CRADD: variants seen among roughly 807,000 people sequenced by gnomAD.
CRADD encodes the protein death domain-containing protein CRADD.
CRADD carries 9 observed loss-of-function variants against 15.5 expected under a neutral mutation model. The observed-to-expected ratio is 0.58, with a 90% CI of 0.35 to 1.01. CRADD has a LOEUF of 1.01. Among genes scored for constraint, CRADD ranks in the 50% least tolerant of loss-of-function variants. The pLI, the probability that CRADD is intolerant of heterozygous loss-of-function variation, is 0.02. For missense variants in CRADD, 227 were observed against 250.3 expected, an observed-to-expected ratio of 0.91 and a Z score of 0.63; for synonymous variants, 118 against 107.6, an observed-to-expected ratio of 1.10 and a Z score of -0.60.
intron 2 of CRADD, among the ~76,000 whole-genome samples, chr12:93,696,852 A>G (rs1043328672): frequency 6.6e-6 from 1 of 152,252 alleles, no homozygotes; most frequent in Non-Finnish European, 1.5e-5. Flanking sequence ...ATTAGGTATT[A>G]TAAGTAATCT....
At chr12:93,855,152 G>A (rs974964232), downstream of CRADD, among the ~76,000 whole-genome samples, 2 of 151,998 alleles carry the variant, frequency 1.3e-5, no homozygotes, top group African/African-American at 4.8e-5. Flanking sequence ...CCAAGATCGC[G>A]CCACTTCACT....
intron 2 of CRADD, among the ~76,000 whole-genome samples, chr12:93,743,090 T>A (rs1394421774): frequency 1.3e-5 from 2 of 152,240 alleles, no homozygotes; most frequent in Non-Finnish European, 2.9e-5. Context: ...TTGTCCTGCA[T>A]ACCTAATATT....
intron 2 of CRADD, among the ~76,000 whole-genome samples, chr12:93,697,346 A>C (rs1318499279): frequency 6.6e-6 from 1 of 152,216 alleles, no homozygotes. Flanking sequence ...GGGAGGACAC[A>C]GTGTTAACCT....
chr12:93,700,173 A>T (rs1329661080), intron 2 of CRADD, among the ~76,000 whole-genome samples: 1 of 152,110 alleles, frequency 6.6e-6, no homozygotes, highest in African/African-American at 2.4e-5. Flanking sequence ...TTTCTCACTA[A>T]ATCTAGGTCC....
chr12:93,711,602 G>A (rs980014123), intron 2 of CRADD, among the ~76,000 whole-genome samples: 2 of 151,916 alleles, frequency 1.3e-5, no homozygotes, highest in Admixed American at 1.3e-4. Flanking sequence ...GAGCCCTTGA[G>A]GTTCATTCTG....
rs757453858 is a variant in CRADD at position 93,678,995 on chromosome 12, A to C, written c.221A>C (p.Asp74Ala). 3.1e-6 allele frequency: 5 copies of C among 1,614,002 alleles called. No individual in the cohort carries two copies. The highest frequency in any genetic ancestry group is 4.2e-6 in the Non-Finnish European group (5 of 1,179,972). Residue 74 changes from aspartate to alanine, a missense_variant, in exon 2 of 3, where the codon GAT becomes GCT. Transcript: ENST00000332896. The stretch of plus-strand genomic sequence containing the variant: ...CCTAAAGCATTTGATACATTCCTAG[A>C]TTCCCTACAGGAGTTTCCCTGGGTC... ...RGPKAFDTFL[D>A]SLQEFPWVRE... is the part of the protein sequence containing the mutation.
chr12:93,782,427 G>A (rs574010629), intron 2 of CRADD, among the ~76,000 whole-genome samples: 57 of 151,950 alleles, frequency 3.8e-4, no homozygotes, highest in African/African-American at 1.4e-3. Flanking sequence ...CACCAACATG[G>A]CACATGTAAA....
Position 93,712,043 on chromosome 12 carries a change from A to T in CRADD, c.298+32971A>T, listed in dbSNP as rs1956083294. ...AGTGCTGGGATTACAGGCATGAGCC[A>T]CCACACCTGGTCTCCTAGACTCTTA... On this transcript the variant is annotated intron_variant, in intron 2 of 2. Transcript: ENST00000332896. 2.6e-5 allele frequency among the ~76,000 whole-genome samples: 4 copies of T among 152,284 alleles called. No individual in the cohort carries two copies. In the South Asian group the frequency reaches 6.2e-4, roughly 24 times the overall value.
At chr12:93,682,398 G>T (rs1488842553) in intron 2 of CRADD, among the ~76,000 whole-genome samples, 1 of 152,154 alleles carries the variant, frequency 6.6e-6, no homozygotes, top group African/African-American at 2.4e-5. Flanking sequence ...TAATTTGTAT[G>T]GATTCAGTAG....
rs148276133 is a variant in CRADD at position 93,748,541 on chromosome 12, G to A, written c.298+69469G>A. On this transcript the variant is annotated intron_variant, in intron 2 of 2. Transcript: ENST00000332896. ...AGGCTGGTCTCGAACTCCCAACCTC[G>A]GATGATCCTCCCGCCTCGGCCTCCC... Among the ~76,000 whole-genome samples the A allele has an allele frequency of 2.4e-3, 363 of 152,252 alleles. 1 individual carries two copies. The highest frequency in any genetic ancestry group is 8.1e-3 in the African/African-American group (338 of 41,532).
chr12:93,764,978 T>C (rs1957011589), intron 2 of CRADD, among the ~76,000 whole-genome samples: 2 of 152,012 alleles, frequency 1.3e-5, no homozygotes, highest in Admixed American at 6.5e-5. Flanking sequence ...CTCGAGATAA[T>C]TAAATTTCTC....
intron 2 of CRADD, among the ~76,000 whole-genome samples, chr12:93,858,421 C>T (rs1424526887): frequency 6.6e-6 from 1 of 152,194 alleles, no homozygotes; most frequent in African/African-American, 2.4e-5. Flanking sequence ...TCCTACAACC[C>T]AAAAGGGCAG....
intron 2 of CRADD, among the ~76,000 whole-genome samples, chr12:93,880,657 C>T (rs1057328560): frequency 2.0e-5 from 3 of 151,422 alleles, no homozygotes; most frequent in African/African-American, 7.3e-5. Context: ...TACATCCCAA[C>T]CCCTACCATG....
intron 2 of CRADD, among the ~76,000 whole-genome samples, chr12:93,805,752 A>G (rs558270910): frequency 6.6e-6 from 1 of 152,302 alleles, no homozygotes; most frequent in African/African-American, 2.4e-5. Flanking sequence ...CTTAGTGCCC[A>G]GACCTTGTAC....
intron 2 of CRADD, among the ~76,000 whole-genome samples, chr12:93,700,319 T>C (rs1361015159): frequency 1.3e-5 from 2 of 152,204 alleles, no homozygotes; most frequent in Non-Finnish European, 2.9e-5. Context: ...CAGATTTGTC[T>C]TCCAAAGCTT....
At chr12:93,854,100 A>G (rs1958251161), downstream of CRADD, among the ~76,000 whole-genome samples, 1 of 152,188 alleles carries the variant, frequency 6.6e-6, no homozygotes, top group Non-Finnish European at 1.5e-5. Flanking sequence ...GTAATGGCTT[A>G]AAACAACAAA....
At chr12:93,687,111 G>A (rs564648194) in intron 2 of CRADD, among the ~76,000 whole-genome samples, 38 of 152,106 alleles carry the variant, frequency 2.5e-4, no homozygotes, top group Non-Finnish European at 4.4e-4. Flanking sequence ...AAGGAAAAGC[G>A]GAAGACTTTC....
rs903485197 is a variant in CRADD, at chr12:93,860,361, A to C, written c.299-33689A>C. On this transcript the variant is annotated intron_variant, in intron 2 of 2. Transcript: ENST00000548483. ...AATTTTCAATTTGGACCAATCATGG[A>C]ACCTTTTTCTGTAGCTTATAGAAAT... Among the ~76,000 whole-genome samples the C allele has an allele frequency of 2.0e-5, 3 of 152,290 alleles. No individual in the cohort carries two copies. The East Asian group carries it at 5.8e-4, about 29-fold the overall frequency.
intron 2 of CRADD, among the ~76,000 whole-genome samples, chr12:93,821,135 C>T (rs955697622): frequency 2.0e-5 from 3 of 152,198 alleles, no homozygotes; most frequent in Admixed American, 1.3e-4. Flanking sequence ...AATATAGACC[C>T]ATGGCTGCTC....
Sources: allele counts gnomAD v4.1 joint callset (sites outside exome capture counted in the v4.1 genomes callset), GRCh38; gene constraint gnomAD v4.1.1; transcripts MANE v1.5; gene names NCBI Gene and HGNC (gene_info 2026-07-23, HGNC 2026-07-21).